Variants in CLK4 observed in about 807,000 individuals in gnomAD.
CLK4 encodes CDC like kinase 4, also known as dual specificity protein kinase CLK4.
In CLK4, 37 loss-of-function variants were observed where a neutral mutation model predicts 64.4. That is an observed-to-expected ratio of 0.57 (90% CI 0.44 to 0.76). The LOEUF (loss-of-function observed/expected upper bound fraction) is 0.76. Ranked by LOEUF, CLK4 falls within the 30% of genes least tolerant of loss-of-function variation. CLK4 has a pLI of 0.00. For missense variants in CLK4, 457 were observed against 605.1 expected (o/e 0.76, Z 2.57); for synonymous variants, 175 against 191.6 (o/e 0.91, Z 0.72).
intron 2 of CLK4, chr5:178,620,756 T>C (rs1201490539): frequency 6.9e-6 from 2 of 290,600 alleles, no homozygotes; most frequent in Non-Finnish European, 1.4e-5. Flanking sequence ...CACATAAAAA[T>C]GAAACAAAAT....
rs752625514 is a variant in CLK4, at chr5:178,613,648, G to A, written c.660-9C>T. 5 of 1,607,492 alleles carry A rather than the reference G, an allele frequency of 3.1e-6. No homozygotes were observed. The highest frequency in any genetic ancestry group is 4.2e-6 in the Non-Finnish European group (5 of 1,176,660). ...GCATCTGGACACATCGGCTAAAACA[G>A]AGCAAAATAATAATTCAGTTTATGG... On this transcript the variant is annotated splice_polypyrimidine_tract_variant and intron_variant, in intron 6 of 12. Coordinates refer to ENST00000316308, the MANE Select transcript of CLK4 (RefSeq NM_020666.3).
chr5:178,608,536 G>T, intron 9 of CLK4, 78 bp from the exon 10 acceptor site: 1 of 1,042,452 alleles, frequency 9.6e-7, no homozygotes, highest in Non-Finnish European at 1.4e-6. Flanking sequence ...CCCTATATGA[G>T]TGCTCCCTTT....
intron 3 of CLK4, chr5:178,618,018 T>TA (rs534720184): frequency 0.015 from 2,196 of 143,920 alleles, 52 homozygotes; most frequent in African/African-American, 0.046. Flanking sequence ...GTCTGAGTGT[T>TA]AAAAAAAAAA....
chr5:178,606,208 C>G (rs1764465363), intron 10 of CLK4, among the ~76,000 whole-genome samples: 1 of 152,132 alleles, frequency 6.6e-6, no homozygotes, highest in South Asian at 2.1e-4. Context: ...ATTTAAAACT[C>G]AAAGTGATTT....
At chr5:178,610,742 C>T (rs1043971441) in intron 9 of CLK4, among the ~76,000 whole-genome samples, 2 of 151,800 alleles carry the variant, frequency 1.3e-5, no homozygotes, top group African/African-American at 4.8e-5. Flanking sequence ...CATGGTGAGG[C>T]CCTGTCTCTG....
chr5:178,622,422 T>C (rs566706167), intron 2 of CLK4: 32 of 986,754 alleles, frequency 3.2e-5, no homozygotes, highest in Middle Eastern at 5.7e-4. Context: ...AGCTGGCTAA[T>C]TTAGAAAGCA....
In CLK4 at chr5:178,626,745, C is replaced by T. The variant is rs1764788287; in HGVS notation, c.-1+201G>A. Among the ~76,000 whole-genome samples, 3 of 152,242 alleles carry T rather than the reference C, an allele frequency of 2.0e-5. No individual in the cohort carries two copies. The South Asian group carries it at 6.2e-4, about 31-fold the overall frequency. ...CCGCGACGCGAGCGGCCAGGGCCCT[C>T]AGAGAAGGGTCAGCGGCAGAACCGC... On this transcript the variant is annotated intron_variant, in intron 1 of 12. Transcript: ENST00000316308.
intron 1 of CLK4, among the ~76,000 whole-genome samples, chr5:178,625,610 A>T (rs903091122): frequency 7.0e-4 from 107 of 152,272 alleles, no homozygotes; most frequent in African/African-American, 2.5e-3. Flanking sequence ...CATTACTATG[A>T]AGTTTTTTTC....
At chr5:178,619,643 A>T in intron 2 of CLK4, 2 of 398,224 alleles carry the variant, frequency 5.0e-6, no homozygotes, top group Non-Finnish European at 8.5e-6. Flanking sequence ...ATCGTGCTTT[A>T]ATCTAGAGAT....
rs1297649701 is a variant in CLK4, at chr5:178,602,693, A to G, written c.*924T>C. 4 of 152,240 alleles carry G rather than the reference A, an allele frequency of 2.6e-5. No individual in the cohort carries two copies. Among genetic ancestry groups the G allele is most frequent in the African/African-American group, 4.8e-5 (2 of 41,450 alleles). 9.4% of individuals were successfully genotyped at this position (152,240 alleles called of 1,614,324 possible). A position where few individuals can be genotyped will look rare whatever the true frequency, so the allele number is the denominator to read the frequency against. ...GTCAAAAAGTTTATGTAACCAATCA[A>G]TTAAATTCTGGAAATTTCAGCAGCA... On this transcript the variant is annotated 3_prime_UTR_variant, in exon 13 of 13. Transcript: ENST00000316308.
In CLK4 at chr5:178,618,587, T is replaced by C. The variant is rs760157670; in HGVS notation, c.353A>G (p.Asn118Ser). ...TGACTGATGACTTGAACAGTGTCTA[T>C]TGCGCTTCCTTTTAGGACTGCTTCT... ...SRRSSPKRKRNRHCSSHQSRS... is the reference protein window; with the variant it reads ...SRRSSPKRKRSRHCSSHQSRS... Residue 118 changes from asparagine (N) to serine (S), a missense_variant, in exon 3 of 13, where the codon AAT (asparagine) becomes AGT (serine). By Grantham distance (46) the Asn-to-Ser change is conservative (BLOSUM62 1). Coordinates refer to ENST00000316308, the MANE Select transcript of CLK4 (RefSeq NM_020666.3). The C allele has an allele frequency of 9.9e-6, 16 of 1,614,048 alleles. No homozygotes were observed. Among genetic ancestry groups the C allele is most frequent in the Admixed American group, 5.0e-5 (3 of 60,014 alleles).
chr5:178,608,322 T>C, intron 10 of CLK4, 54 bp downstream of exon 10: 1 of 1,312,574 alleles, frequency 7.6e-7, no homozygotes, highest in South Asian at 1.3e-5. Flanking sequence ...TTAGCATACC[T>C]TTAACGTTTA....
At chr5:178,612,673 ACTT>A in intron 8 of CLK4, 120 bp downstream of exon 8, 1 of 1,137,814 alleles carries the variant, frequency 8.8e-7, no homozygotes, top group Non-Finnish European at 1.3e-6. Flanking sequence ...AAGAAGGATT[ACTT>A]CTTTTTGGTT....
chr5:178,611,224 A>G (rs1764552350), intron 9 of CLK4, among the ~76,000 whole-genome samples: 1 of 152,158 alleles, frequency 6.6e-6, no homozygotes, highest in African/African-American at 2.4e-5. Context: ...TGAGGAATCT[A>G]TTGCCTTCTA....
chr5:178,623,825 TTTATC>T (rs1358630745), intron 1 of CLK4, among the ~76,000 whole-genome samples: 1 of 152,164 alleles, frequency 6.6e-6, no homozygotes, highest in Non-Finnish European at 1.5e-5. Context: ...AACGTTTTTA[TTTATC>T]TTATTTTGTT....
Position 178,619,935 on chromosome 5 carries a change from C to T in CLK4, c.162-1157G>A, listed in dbSNP as rs528017964. ...GGGACACCTGCCCAGTCAGACACAT[C>T]GGCTAAAATAAGCCTAACAAGCAAT... On this transcript the variant is annotated intron_variant, in intron 2 of 12. Transcript: ENST00000316308. 113 of 510,086 alleles carry T rather than the reference C, an allele frequency of 2.2e-4. 1 individual carries two copies. Among genetic ancestry groups the T allele is most frequent in the South Asian group, 1.4e-3 (92 of 65,538 alleles). The allele number at this position is 510,086 out of a possible 1,614,324, so 31.6% of individuals were successfully genotyped here.
chr5:178,609,084 T>A (rs781690097), intron 9 of CLK4, among the ~76,000 whole-genome samples: 1 of 152,230 alleles, frequency 6.6e-6, no homozygotes, highest in Admixed American at 6.5e-5. Flanking sequence ...TGATTTTATA[T>A]ACTTTCTCCT....
chr5:178,612,900 A>C lies in CLK4; in HGVS notation c.827-10T>G. On this transcript the variant is annotated splice_polypyrimidine_tract_variant and intron_variant, in intron 7 of 12. Coordinates refer to ENST00000316308, the MANE Select transcript of CLK4 (RefSeq NM_020666.3). Reference sequence around the variant, plus strand: ...TTATTATGATGTAAAACTACAAGAGAACAAAAGCACATTATTAGTTTCACT... The same window carrying C: ...TTATTATGATGTAAAACTACAAGAGCACAAAAGCACATTATTAGTTTCACT... 1 of 1,341,586 alleles carries C rather than the reference A, an allele frequency of 7.5e-7. No homozygotes were observed. The highest frequency in any genetic ancestry group is 1.1e-6 in the Non-Finnish European group (1 of 948,160). The allele number at this position is 1,341,586 out of a possible 1,614,324, so 83.1% of individuals were successfully genotyped here.
chr5:178,620,645 G>A (rs1764695855), intron 2 of CLK4: 1 of 452,624 alleles, frequency 2.2e-6, no homozygotes, highest in Non-Finnish European at 4.5e-6. Flanking sequence ...ATGAGGGTAA[G>A]GGCATTCGTT....
Sources: allele counts gnomAD v4.1 joint callset (sites outside exome capture counted in the v4.1 genomes callset), GRCh38; gene constraint gnomAD v4.1.1; transcripts MANE v1.5; gene names NCBI Gene and HGNC (gene_info 2026-07-23, HGNC 2026-07-21).